The following LATS1 variants were observed in gnomAD, a reference collection of about 807,000 sequenced individuals.
The protein encoded by LATS1 is serine/threonine-protein kinase LATS1.
A neutral mutation model predicts 106.6 loss-of-function variants in LATS1; 25 were observed. The observed-to-expected ratio is 0.23, with a 90% confidence interval of 0.17 to 0.33. The LOEUF (loss-of-function observed/expected upper bound fraction) is 0.33. LATS1 is among the 10% of genes least tolerant of loss of function. LATS1 has a pLI of 1.00. For missense variants in LATS1, 1,040 were observed against 1,382.6 expected (o/e 0.75, Z 3.93); for synonymous variants, 465 against 455.6 (o/e 1.02, Z -0.26).
chr6:149,704,924 ACAC>A (rs1445943831), intron 1 of LATS1, among the ~76,000 whole-genome samples: 2 of 148,866 alleles, frequency 1.3e-5, no homozygotes, highest in African/African-American at 2.6e-5. Context: ...ACACACACAC[ACAC>A]AATTTGCAGC....
chr6:149,669,938 G>A (rs1319160649), intron 7 of LATS1, among the ~76,000 whole-genome samples: 11 of 151,512 alleles, frequency 7.3e-5, no homozygotes, highest in Admixed American at 7.2e-4. Flanking sequence ...TTGGGAGGCC[G>A]AGGCAGGTGG....
intron 2 of LATS1, among the ~76,000 whole-genome samples, chr6:149,699,840 G>C (rs970403928): frequency 6.6e-6 from 1 of 152,070 alleles, no homozygotes; most frequent in African/African-American, 2.4e-5. Flanking sequence ...CATATTACTG[G>C]GTGACTTATC....
At chr6:149,694,695 G>C (rs964387663) in intron 3 of LATS1, among the ~76,000 whole-genome samples, 1 of 152,010 alleles carries the variant, frequency 6.6e-6, no homozygotes, top group Non-Finnish European at 1.5e-5. Context: ...TATTAACAGC[G>C]ATGTTTGTAT....
chr6:149,699,706 C>A (rs1480546306), intron 2 of LATS1, among the ~76,000 whole-genome samples: 1 of 152,058 alleles, frequency 6.6e-6, no homozygotes, highest in African/African-American at 2.4e-5. Context: ...GAGCATTGAC[C>A]AATGCCTTAG....
intron 7 of LATS1, among the ~76,000 whole-genome samples, chr6:149,674,703 T>C (rs1781618875): frequency 6.9e-6 from 1 of 145,524 alleles, no homozygotes; most frequent in Non-Finnish European, 1.5e-5. Context: ...GGTGGGTGGA[T>C]CACTTGAGCC....
At chr6:149,681,055 G>C (rs1012372674) in intron 4 of LATS1, among the ~76,000 whole-genome samples, 3 of 151,996 alleles carry the variant, frequency 2.0e-5, no homozygotes, top group African/African-American at 7.3e-5. Flanking sequence ...GTAAAGGTGC[G>C]ACTCACAGTC....
intron 4 of LATS1, among the ~76,000 whole-genome samples, chr6:149,682,462 A>AGT (rs1782102816): frequency 7.0e-6 from 1 of 143,792 alleles, no homozygotes; most frequent in South Asian, 2.2e-4. Context: ...CCCACACTGG[A>AGT]GTGCAGTGGC....
In LATS1 at chr6:149,660,173, AG is replaced by A. The variant is rs1780835192; in HGVS notation, c.*1555del. The A allele has an allele frequency of 4.3e-6, 1 of 232,454 alleles. No homozygotes were observed. Among genetic ancestry groups the A allele is most frequent in the Non-Finnish European group, 8.5e-6 (1 of 117,640 alleles). The allele number at this position is 232,454 out of a possible 1,614,324, so 14.4% of individuals were successfully genotyped here. On this transcript the variant is annotated 3_prime_UTR_variant, in exon 8 of 8. Transcript: ENST00000543571. ...ATGTGTATGTGTGGTTTTTTTTTCT[AG>A]GAAGAGTCCACAGCTTCCTTCAGAT...
chr6:149,688,650 C>T (rs144127094), intron 3 of LATS1, among the ~76,000 whole-genome samples: 196 of 152,276 alleles, frequency 1.3e-3, no homozygotes, highest in African/African-American at 4.0e-3. Context: ...ATGCCAGGCA[C>T]TGCTCTAAGC....
At chr6:149,676,474 C>T in intron 6 of LATS1, 81 bp downstream of exon 6, 1 of 1,407,528 alleles carries the variant, frequency 7.1e-7, no homozygotes. Context: ...TTATTATAAG[C>T]CTGAAAAATA....
rs1298651839 is a variant in LATS1, at chr6:149,660,167, T to C, written c.*1562A>G. On this transcript the variant is annotated 3_prime_UTR_variant, in exon 8 of 8. Coordinates refer to ENST00000543571, the MANE Select transcript of LATS1 (RefSeq NM_004690.4). Reference sequence around the variant, plus strand: ...CATTGTATGTGTATGTGTGGTTTTTTTTTCTAGGAAGAGTCCACAGCTTCC... The same window carrying C: ...CATTGTATGTGTATGTGTGGTTTTTCTTTCTAGGAAGAGTCCACAGCTTCC... 4.3e-6 allele frequency: 1 copy of C among 232,788 alleles called. No individual in the cohort carries two copies. The highest frequency in any genetic ancestry group is 8.5e-6 in the Non-Finnish European group (1 of 117,806). 14.4% of individuals were successfully genotyped at this position (232,788 alleles called of 1,614,324 possible).
At chr6:149,717,055 A>AT (rs1784436034) in intron 1 of LATS1, among the ~76,000 whole-genome samples, 1 of 152,370 alleles carries the variant, frequency 6.6e-6, no homozygotes, top group East Asian at 1.9e-4. Context: ...AACTGGAGTT[A>AT]TACAATATTA....
At chr6:149,682,092 C>A (rs200077120) in intron 4 of LATS1, among the ~76,000 whole-genome samples, 1 of 65,794 alleles carries the variant, frequency 1.5e-5, no homozygotes, top group Non-Finnish European at 3.6e-5. Flanking sequence ...AGCCTGGCGA[C>A]AGAGTGAGAT....
At chr6:149,707,881 T>C (rs1183082480) in intron 1 of LATS1, among the ~76,000 whole-genome samples, 2 of 152,120 alleles carry the variant, frequency 1.3e-5, no homozygotes, top group East Asian at 1.9e-4. Context: ...TTTCTTCTTA[T>C]TATTTATTTT....
chr6:149,675,589 C>G (rs921136712), intron 7 of LATS1: 1 of 152,194 alleles, frequency 6.6e-6, no homozygotes. Context: ...AGGAGTTTCG[C>G]CCTTTCACCC....
intron 1 of LATS1, among the ~76,000 whole-genome samples, chr6:149,705,039 C>A (rs1194998192): frequency 6.6e-6 from 1 of 151,040 alleles, no homozygotes; most frequent in Non-Finnish European, 1.5e-5. Context: ...GCTAAATTAG[C>A]TATGAATCAA....
At chr6:149,682,725 A>G (rs1437178525) in intron 4 of LATS1, among the ~76,000 whole-genome samples, 1 of 151,906 alleles carries the variant, frequency 6.6e-6, no homozygotes, top group Non-Finnish European at 1.5e-5. Context: ...TGAGACCCAC[A>G]TATTTCTAGT....
rs557584945 is a variant in LATS1 at position 149,672,055 on chromosome 6, A to AT, written c.2883+4204dup. On this transcript the variant is annotated intron_variant, in intron 7 of 7. Transcript: ENST00000543571. ...AGGTGTGTGCAGCCACACCCAGCTA[A>AT]TTTTTTTTTGTATTTTTAGTAGAGA... Among the ~76,000 whole-genome samples the AT allele has an allele frequency of 4.7e-5, 7 of 150,346 alleles. No homozygotes were observed. The South Asian group carries it at 8.5e-4, about 18-fold the overall frequency.
rs1271291463 is a variant in LATS1, at chr6:149,702,037, C to G, written c.90G>C (p.Met30Ile). Residue 30 changes from methionine (M) to isoleucine (I), a missense_variant, in exon 2 of 8, where the codon ATG (methionine) becomes ATC (isoleucine). This residue lies in a region of LATS1 where 624 missense variants were observed against 714.8 expected (regional missense o/e 0.87). Coordinates refer to ENST00000543571, the MANE Select transcript of LATS1 (RefSeq NM_004690.4). Reference sequence around the variant, plus strand: ...TAAGGGATTCCCGAATTTCTTGTAACATTTGCCGGCTACTGACAGTATAGT... The same window carrying G: ...TAAGGGATTCCCGAATTTCTTGTAAGATTTGCCGGCTACTGACAGTATAGT... ...ASNYTVSSRQ[M>I]LQEIRESLRN... The G allele has an allele frequency of 6.2e-7, 1 of 1,614,054 alleles. No homozygotes were observed.
Sources: allele counts gnomAD v4.1 joint callset (sites outside exome capture counted in the v4.1 genomes callset), GRCh38; gene constraint gnomAD v4.1.1; regional missense constraint gnomAD v4.1.1; transcripts MANE v1.5; gene names NCBI Gene and HGNC (gene_info 2026-07-23, HGNC 2026-07-21).